Variants in KLHL4 observed in about 807,000 individuals in gnomAD.
KLHL4 encodes the protein kelch like family member 4.
Under a neutral mutation model 45.8 loss-of-function variants are expected in KLHL4, and 17 were observed. The ratio of observed to expected loss-of-function variants is 0.37; its 90% CI spans 0.25 to 0.56. The LOEUF is 0.56. KLHL4 is among the 20% of genes least tolerant of loss of function. KLHL4 has a pLI of 0.79. For missense variants in KLHL4, 544 were observed against 544.9 expected, an observed-to-expected ratio of 1.00 and a Z score of 0.02; for synonymous variants, 224 against 189.9, an observed-to-expected ratio of 1.18 and a Z score of -1.47.
At chrX:87,563,666 A>G (rs748872119) in intron 1 of KLHL4, among the ~76,000 whole-genome samples, 6 of 109,632 alleles carry the variant, frequency 5.5e-5, no homozygotes, top group Non-Finnish European at 1.1e-4. Flanking sequence ...ATTGGCCTCA[A>G]AAAGGAGGCA....
intron 1 of KLHL4, among the ~76,000 whole-genome samples, chrX:87,606,723 A>G (rs761300593): frequency 5.4e-5 from 6 of 111,329 alleles, no homozygotes; most frequent in Non-Finnish European, 1.1e-4. Context: ...AAAGTCTTTC[A>G]TCAATAAAAG....
intron 1 of KLHL4, among the ~76,000 whole-genome samples, chrX:87,608,505 A>G (rs1445666881): frequency 9.1e-6 from 1 of 110,189 alleles, no homozygotes; most frequent in Non-Finnish European, 1.9e-5. Flanking sequence ...TACCTTTACT[A>G]GGATTTTATT....
chrX:87,611,669 T>A (rs1431805597), intron 1 of KLHL4, among the ~76,000 whole-genome samples: 2 of 108,764 alleles, frequency 1.8e-5, no homozygotes, highest in African/African-American at 6.7e-5. Flanking sequence ...CATACTATAC[T>A]ATACTATACT....
Position 87,669,333 on chromosome X carries a change from T to C in KLHL4, c.*2799T>C. 8.3e-7 allele frequency: 1 copy of C among 1,208,863 alleles called. No homozygotes were observed. The highest frequency in any genetic ancestry group is 1.1e-6 in the Non-Finnish European group (1 of 893,380). ...CACCTTCCTGTATTTCCACAGAGCA[T>C]GCAAGAACTTCTACAAAACTTCTAT... On this transcript the variant is annotated 3_prime_UTR_variant, in exon 11 of 11. Coordinates refer to ENST00000373119, the MANE Select transcript of KLHL4 (RefSeq NM_019117.5).
chrX:87,559,468 C>T (rs1037672308), intron 1 of KLHL4, among the ~76,000 whole-genome samples: 1 of 111,821 alleles, frequency 8.9e-6, no homozygotes, highest in African/African-American at 3.2e-5. Context: ...TTTGATTTGA[C>T]ACTCTGGATT....
chrX:87,527,261 G>T (rs1314884677), intron 1 of KLHL4, among the ~76,000 whole-genome samples: 1 of 111,539 alleles, frequency 9.0e-6, no homozygotes, highest in Non-Finnish European at 1.9e-5. Flanking sequence ...ATATAGTTCT[G>T]CAACCCTGTA....
rs763746609 is a variant in KLHL4, at chrX:87,536,115, G to A, written c.422+17800G>A. Among the ~76,000 whole-genome samples, 3 of 110,940 alleles carry A rather than the reference G, an allele frequency of 2.7e-5. No homozygotes were observed. In the South Asian group the frequency reaches 1.1e-3, roughly 42 times the overall value. On this transcript the variant is annotated intron_variant, in intron 1 of 10. Transcript: ENST00000373119. ...AACGAACTAATACATTTGGGTAATC[G>A]AGAACCAAATGAATTCCCATTTAAA... is the stretch of plus-strand genomic sequence containing the variant.
chrX:87,632,626 T>C (rs773046623), intron 7 of KLHL4, among the ~76,000 whole-genome samples, 192 bp downstream of exon 7: 1 of 111,526 alleles, frequency 9.0e-6, no homozygotes, highest in Admixed American at 9.6e-5. Context: ...CTGATTCCCT[T>C]CCACCAGTAT....
intron 1 of KLHL4, among the ~76,000 whole-genome samples, chrX:87,541,142 G>A (rs918415016): frequency 1.8e-5 from 2 of 109,840 alleles, no homozygotes; most frequent in South Asian, 4.0e-4. Flanking sequence ...AGTTTCCCCC[G>A]TGCTGTTCTT....
At chrX:87,647,645 CATT>C (rs1291172567) in intron 9 of KLHL4, among the ~76,000 whole-genome samples, 7 of 111,459 alleles carry the variant, frequency 6.3e-5, no homozygotes, top group Admixed American at 9.5e-5. Flanking sequence ...GAAAACCAAA[CATT>C]ATATACTCTC....
intron 9 of KLHL4, 134 bp downstream of exon 9, chrX:87,635,909 G>A (rs1248472319): frequency 1.5e-5 from 6 of 408,088 alleles, no homozygotes; most frequent in East Asian, 8.0e-5. Flanking sequence ...ATAGTACAAC[G>A]GGAATCTAGG....
At chrX:87,594,129 G>T (rs779099578) in intron 1 of KLHL4, among the ~76,000 whole-genome samples, 3 of 111,375 alleles carry the variant, frequency 2.7e-5, no homozygotes, top group Non-Finnish European at 5.7e-5. Flanking sequence ...GTTTTATGTG[G>T]TCTGATTCAT....
chrX:87,562,277 G>A (rs1220432240), intron 1 of KLHL4, among the ~76,000 whole-genome samples: 1 of 110,336 alleles, frequency 9.1e-6, no homozygotes, highest in Non-Finnish European at 1.9e-5. Flanking sequence ...TTGGGTACCA[G>A]CTCAGTACAG....
At chrX:87,538,609 A>T (rs1931483103) in intron 1 of KLHL4, among the ~76,000 whole-genome samples, 1 of 111,633 alleles carries the variant, frequency 9.0e-6, no homozygotes, top group African/African-American at 3.3e-5. Context: ...GGGAAATCCC[A>T]ATTGGAGCTC....
intron 1 of KLHL4, among the ~76,000 whole-genome samples, chrX:87,540,126 C>T (rs934306598): frequency 6.3e-5 from 7 of 111,075 alleles, no homozygotes; most frequent in Non-Finnish European, 1.3e-4. Context: ...AGGGCACTTA[C>T]CATAAATGAA....
Position 87,664,858 on chromosome X carries a change from G to A in KLHL4, c.2020G>A (p.Val674Met), listed in dbSNP as rs186628616. The change falls in exon 10 of 11, where the codon GTG becomes ATG. Residue 674 changes from valine (V) to methionine (M), a missense_variant. By Grantham distance (21) the Val-to-Met change is conservative (BLOSUM62 1). Transcript: ENST00000373119. ...AVCPLGDKLYVVGGYDGHTYL... is the reference protein window; with the variant it reads ...AVCPLGDKLYMVGGYDGHTYL... ...GTGCCCTCTTGGAGACAAACTCTAC[G>A]TGGTTGGAGGATATGACGGACATAC... 6 of 1,196,987 alleles carry A rather than the reference G, an allele frequency of 5.0e-6. No homozygotes were observed. Among genetic ancestry groups the A allele is most frequent in the East Asian group, 3.0e-5 (1 of 33,672 alleles).
In KLHL4 at chrX:87,664,830, T is replaced by C. The variant is rs1257276616; in HGVS notation, c.1992T>C (p.Ala664=). The C allele has an allele frequency of 1.7e-6, 2 of 1,203,680 alleles. No homozygotes were observed. The highest frequency in any genetic ancestry group is 2.3e-6 in the Non-Finnish European group (2 of 888,322). ...TGAGTGTTCCTCGAGATGCTGTTGC[T>C]GTGTGCCCTCTTGGAGACAAACTCT... The part of the protein sequence containing the change: ...APLSVPRDAV[A]VCPLGDKLYV... The change falls in exon 10 of 11, where the codon GCT becomes GCC. Residue 664 remains alanine, a synonymous_variant. Coordinates refer to ENST00000373119, the MANE Select transcript of KLHL4 (RefSeq NM_019117.5).
intron 9 of KLHL4, among the ~76,000 whole-genome samples, chrX:87,650,099 G>A (rs958626031): frequency 1.8e-5 from 2 of 111,007 alleles, no homozygotes; most frequent in African/African-American, 6.6e-5. Context: ...ATCACATTGT[G>A]TATTGATATA....
chrX:87,649,628 A>G (rs1049189853), intron 9 of KLHL4, among the ~76,000 whole-genome samples: 3 of 111,909 alleles, frequency 2.7e-5, no homozygotes, highest in South Asian at 7.4e-4. Context: ...TTTATATTTT[A>G]TACCTAGAAT....
Sources: allele counts gnomAD v4.1 joint callset (sites outside exome capture counted in the v4.1 genomes callset), GRCh38; gene constraint gnomAD v4.1.1; transcripts MANE v1.5; gene names NCBI Gene and HGNC (gene_info 2026-07-23, HGNC 2026-07-21).